The following CNP variants were observed in gnomAD, a reference collection of about 807,000 sequenced individuals.
The protein encoded by CNP is 2',3'-cyclic nucleotide 3' phosphodiesterase, also known as 2',3'-cyclic-nucleotide 3'-phosphodiesterase.
CNP carries 8 observed loss-of-function variants against 37.9 expected under a neutral mutation model. That is an observed-to-expected ratio of 0.21 (90% CI 0.12 to 0.38). CNP has a LOEUF of 0.38. CNP is among the 10% of genes least tolerant of loss of function. The probability of loss-of-function intolerance (pLI) is 1.00; values close to 1 mark genes in which losing one functional copy is unlikely to be tolerated. For missense variants in CNP, 457 were observed against 551.0 expected (o/e 0.83, Z 1.71); for synonymous variants, 237 against 238.3 (o/e 0.99, Z 0.05).
In CNP at chr17:41,975,132, G is replaced by A. The variant is rs2051057535; in HGVS notation, c.*1208G>A. On this transcript the variant is annotated 3_prime_UTR_variant, in exon 4 of 4. Transcript: ENST00000393892. ...ACTATCCTGGCTTTGCCCAACCTCAGCAACCTGTAAGACTGATAATGAAAT... is the reference window on the plus strand; with the variant it reads ...ACTATCCTGGCTTTGCCCAACCTCAACAACCTGTAAGACTGATAATGAAAT... 1.3e-5 allele frequency: 2 copies of A among 152,256 alleles called. No homozygotes were observed. The allele number at this position is 152,256 out of a possible 1,614,324, so 9.4% of individuals were successfully genotyped here.
In CNP at chr17:41,976,846, G is replaced by A. The variant is rs1322341413; in HGVS notation, c.*2922G>A. 3 of 1,553,552 alleles carry A rather than the reference G, an allele frequency of 1.9e-6. No homozygotes were observed. In the African/African-American group the frequency reaches 4.2e-5, roughly 22 times the overall value. On this transcript the variant is annotated 3_prime_UTR_variant, in exon 4 of 4. Coordinates refer to ENST00000393892, the MANE Select transcript of CNP (RefSeq NM_033133.5). ...ATCACTTTGCTCTGATTATGGAAAA[G>A]TCTTCAAGGGCTGCTTCAAACTCAA...
Position 41,976,656 on chromosome 17 carries a change from A to G in CNP, c.*2732A>G. ...AAGCACACGGAGACGTGATGAAGGG[A>G]GGAGGTGAACTGTTTCCACATTCAA... On this transcript the variant is annotated 3_prime_UTR_variant, in exon 4 of 4. Transcript: ENST00000393892. 6.4e-7 allele frequency: 1 copy of G among 1,562,262 alleles called. No individual in the cohort carries two copies. The highest frequency in any genetic ancestry group is 1.9e-5 in the Admixed American group (1 of 53,490).
In CNP at chr17:41,977,174, C is replaced by T. The variant is rs2143072818; in HGVS notation, c.*3250C>T. ...AATTCAGCTGCCCCCGCTCATGGGC[C>T]CCTCTGACTCCCAAAGAGCTGCCTA... is the stretch of plus-strand genomic sequence containing the variant. On this transcript the variant is annotated 3_prime_UTR_variant, in exon 4 of 4. Transcript: ENST00000393892. The T allele has an allele frequency of 2.3e-6, 3 of 1,321,048 alleles. No individual in the cohort carries two copies. Among genetic ancestry groups the T allele is most frequent in the Middle Eastern group, 2.4e-4 (1 of 4,188 alleles). The allele number at this position is 1,321,048 out of a possible 1,614,324, so 81.8% of individuals were successfully genotyped here. A position where few individuals can be genotyped will look rare whatever the true frequency, so the allele number is the denominator to read the frequency against.
chr17:41,968,054 C>G lies in CNP; in HGVS notation c.4-14C>G. ...GAATGACCTGGGCTGACATCTCTTCCCCTCCTTACACAGAACAGAGGCTTC... is the reference window on the plus strand; with the variant it reads ...GAATGACCTGGGCTGACATCTCTTCGCCTCCTTACACAGAACAGAGGCTTC... On this transcript the variant is annotated splice_polypyrimidine_tract_variant and intron_variant, in intron 1 of 3. Transcript: ENST00000393892. The surrounding 1 kb of genome is among the most constrained non-coding windows in gnomAD (Gnocchi z 4.8). 1 of 1,600,394 alleles carries G rather than the reference C, an allele frequency of 6.2e-7. No homozygotes were observed. The highest frequency in any genetic ancestry group is 8.5e-7 in the Non-Finnish European group (1 of 1,171,286).
intron 3 of CNP, among the ~76,000 whole-genome samples, chr17:41,972,922 A>G (rs947342977): frequency 3.3e-5 from 5 of 152,220 alleles, no homozygotes; most frequent in Admixed American, 6.5e-5. Flanking sequence ...AAGCAGACAT[A>G]TCATCAGATG....
chr17:41,967,961 A>G (rs1329692752), intron 1 of CNP, 107 bp from the exon 2 acceptor site: 1 of 1,518,990 alleles, frequency 6.6e-7, no homozygotes, highest in Non-Finnish European at 8.8e-7. Context: ...AAGGTCCAGC[A>G]CTGCCCCGCT....
At chr17:41,967,003 C>A (rs1475177691) in intron 1 of CNP, 116 bp downstream of exon 1, 97 of 1,188,272 alleles carry the variant, frequency 8.2e-5, no homozygotes, top group Non-Finnish European at 1.0e-4. Context: ...GTTCGACTTC[C>A]AGTTTTCTTG....
rs2051024576 is a variant in CNP at position 41,973,598 on chromosome 17, G to A, written c.940G>A (p.Val314Met). 3.7e-6 allele frequency: 6 copies of A among 1,614,246 alleles called. No homozygotes were observed. The highest frequency in any genetic ancestry group is 1.7e-5 in the Admixed American group (1 of 60,036). The change falls in exon 4 of 4, where the codon GTG (valine) becomes ATG (methionine). Residue 314 changes from valine (V) to methionine (M), a missense_variant. This residue lies in a region of CNP where 291 missense variants were observed against 291.7 expected (regional missense o/e 1.00). Transcript: ENST00000393892. ...GCAACTGCAGTTGTGGCCGAGTGAT[G>A]TGGACAAGCTGTCACCCACTGACAA... ...EQQLQLWPSDVDKLSPTDNLP... is the reference protein window; with the variant it reads ...EQQLQLWPSDMDKLSPTDNLP...
In CNP at chr17:41,976,578, C is replaced by T; in HGVS notation, c.*2654C>T. 2.1e-6 allele frequency: 2 copies of T among 937,556 alleles called. No homozygotes were observed. The highest frequency in any genetic ancestry group is 3.4e-5 in the South Asian group (2 of 58,330). The allele number at this position is 937,556 out of a possible 1,614,324, so 58.1% of individuals were successfully genotyped here. A position where few individuals can be genotyped will look rare whatever the true frequency, so the allele number is the denominator to read the frequency against. On this transcript the variant is annotated 3_prime_UTR_variant, in exon 4 of 4. Coordinates refer to ENST00000393892, the MANE Select transcript of CNP (RefSeq NM_033133.5). ...GTCTTCGGCATTGGTTCCCTTTGCT[C>T]CACCCCACTCACAGAGACACAGGGC...
In CNP at chr17:41,971,737, G is replaced by A; in HGVS notation, c.677-155G>A. The A allele has an allele frequency of 8.0e-6, 8 of 998,416 alleles. No homozygotes were observed. The South Asian group carries it at 1.3e-4, about 16-fold the overall frequency. 61.8% of individuals were successfully genotyped at this position (998,416 alleles called of 1,614,324 possible). On this transcript the variant is annotated intron_variant, in intron 2 of 3. Coordinates refer to ENST00000393892, the MANE Select transcript of CNP (RefSeq NM_033133.5). ...TTTTATTGCTCTAAAGTTGCCATTAGTTTGACCAACTAACCAATGAATGAG... is the reference window on the plus strand; with the variant it reads ...TTTTATTGCTCTAAAGTTGCCATTAATTTGACCAACTAACCAATGAATGAG...
rs990814027 is a variant in CNP, at chr17:41,974,132, G to T, written c.*208G>T. On this transcript the variant is annotated 3_prime_UTR_variant, in exon 4 of 4. Coordinates refer to ENST00000393892, the MANE Select transcript of CNP (RefSeq NM_033133.5). The stretch of plus-strand genomic sequence containing the variant: ...ATGCTCACGCTCCCAACACAAGGTG[G>T]GCAGGGAGGCACCATTCAGGAACCT... The T allele has an allele frequency of 9.4e-6, 4 of 424,314 alleles. No individual in the cohort carries two copies. The highest frequency in any genetic ancestry group is 1.6e-5 in the Non-Finnish European group (4 of 250,288). 26.3% of individuals were successfully genotyped at this position (424,314 alleles called of 1,614,324 possible).
Position 41,973,981 on chromosome 17 carries a change from C to T in CNP, c.*57C>T. The T allele has an allele frequency of 8.3e-7, 1 of 1,209,664 alleles. No individual in the cohort carries two copies. The highest frequency in any genetic ancestry group is 2.7e-5 in the East Asian group (1 of 36,950). The allele number at this position is 1,209,664 out of a possible 1,614,324, so 74.9% of individuals were successfully genotyped here. On this transcript the variant is annotated 3_prime_UTR_variant, in exon 4 of 4. Coordinates refer to ENST00000393892, the MANE Select transcript of CNP (RefSeq NM_033133.5). Reference sequence around the variant, plus strand: ...GGAAGGGGAGAGGGAAACGTGCCCTCTGTTTGATCCTTGTTTTGTGACATT... The same window carrying T: ...GGAAGGGGAGAGGGAAACGTGCCCTTTGTTTGATCCTTGTTTTGTGACATT...
chr17:41,968,363 A>G lies in CNP; in HGVS notation c.299A>G (p.Tyr100Cys). ...PGARGAFSEEYKRLDEDLAAY... is the reference protein window; with the variant it reads ...PGARGAFSEECKRLDEDLAAY... ...GCTCGAGGAGCCTTCTCCGAGGAGT[A>G]CAAGCGGCTCGATGAGGACCTGGCT... Residue 100 changes from tyrosine to cysteine, a missense_variant, in exon 2 of 4, where the codon TAC becomes TGC. Physicochemically the swap from Tyr to Cys is radical, Grantham distance 194. Transcript: ENST00000393892. The surrounding 1 kb of genome is among the most constrained non-coding windows in gnomAD (Gnocchi z 4.8). 6.2e-7 allele frequency: 1 copy of G among 1,614,124 alleles called. No homozygotes were observed. Among genetic ancestry groups the G allele is most frequent in the Non-Finnish European group, 8.5e-7 (1 of 1,180,008 alleles).
Position 41,968,847 on chromosome 17 carries a change from CAGAG to C in CNP, c.676+112_676+115del. On this transcript the variant is annotated intron_variant, in intron 2 of 3. Transcript: ENST00000393892. This position sits in a 1 kb window ranked among gnomAD's most constrained non-coding sequence, Gnocchi z 4.8. ...GGATGGAGCACGAAGCAGCAGGAGG[CAGAG>C]AGAGGCTCACCTCAGCGGGGGCAGG... 1 of 1,305,060 alleles carries C rather than the reference CAGAG, an allele frequency of 7.7e-7. No individual in the cohort carries two copies. Among genetic ancestry groups the C allele is most frequent in the Non-Finnish European group, 1.0e-6 (1 of 970,700 alleles). The allele number at this position is 1,305,060 out of a possible 1,614,324, so 80.8% of individuals were successfully genotyped here.
At chr17:41,967,050 G>C (rs1312739521) in intron 1 of CNP, 163 bp downstream of exon 1, 47 of 736,210 alleles carry the variant, frequency 6.4e-5, no homozygotes, top group Non-Finnish European at 8.3e-5. Context: ...GAGAAGCGGA[G>C]GGGTTTTGGG....
At position 41,976,613 on chromosome 17, in the gene CNP, A is replaced by G; in HGVS notation, c.*2689A>G. On this transcript the variant is annotated 3_prime_UTR_variant, in exon 4 of 4. Coordinates refer to ENST00000393892, the MANE Select transcript of CNP (RefSeq NM_033133.5). ...CACAGAGACACAGGGCATCCAACTGAGAAAACGAAACTGCTCTAAGCACAC... is the reference window on the plus strand; with the variant it reads ...CACAGAGACACAGGGCATCCAACTGGGAAAACGAAACTGCTCTAAGCACAC... 1 of 1,343,434 alleles carries G rather than the reference A, an allele frequency of 7.4e-7. No individual in the cohort carries two copies. The highest frequency in any genetic ancestry group is 2.5e-5 in the East Asian group (1 of 40,682). The allele number at this position is 1,343,434 out of a possible 1,614,324, so 83.2% of individuals were successfully genotyped here. A position where few individuals can be genotyped will look rare whatever the true frequency, so the allele number is the denominator to read the frequency against.
rs370644988 is a variant in CNP, at chr17:41,973,766, G to A, written c.1108G>A (p.Gly370Ser). The change falls in exon 4 of 4, where the codon GGC becomes AGC. Residue 370 changes from glycine (G) to serine (S), a missense_variant. Gly to Ser is a moderately conservative substitution (Grantham distance 56). This residue lies in a region of CNP where 291 missense variants were observed against 291.7 expected (regional missense o/e 1.00). Coordinates refer to ENST00000393892, the MANE Select transcript of CNP (RefSeq NM_033133.5). ...RGEEVGELSR[G>S]KLYSLGNGRW... The stretch of plus-strand genomic sequence containing the variant: ...CGAGGAGGTGGGCGAGCTAAGCCGG[G>A]GCAAGCTCTATTCCTTGGGCAATGG... The A allele has an allele frequency of 4.0e-5, 64 of 1,612,578 alleles. No homozygotes were observed. Among genetic ancestry groups the A allele is most frequent in the Non-Finnish European group, 4.8e-5 (57 of 1,179,386 alleles).
Position 41,973,879 on chromosome 17 carries a change from A to T in CNP, c.1221A>T (p.Gln407His), listed in dbSNP as rs781801992. ...YYGKGKPVPTQGSRKGGALQS... is the reference protein window; with the variant it reads ...YYGKGKPVPTHGSRKGGALQS... ...GGAAAGGCAAACCTGTGCCCACGCA[A>T]GGTAGCCGGAAGGGGGGCGCCTTGC... The change falls in exon 4 of 4, where the codon CAA (glutamine) becomes CAT (histidine). Residue 407 changes from glutamine to histidine, a missense_variant. Gln to His is a conservative substitution (Grantham distance 24). Transcript: ENST00000393892. The T allele has an allele frequency of 1.9e-6, 3 of 1,571,176 alleles. No individual in the cohort carries two copies. The highest frequency in any genetic ancestry group is 1.4e-5 in the African/African-American group (1 of 74,064).
Position 41,976,969 on chromosome 17 carries a change from C to G in CNP, c.*3045C>G. ...ATTATACATGGGTAGCTTCTGACCT[C>G]AGCATTATCTATATAGTACCTTTGC... is the stretch of plus-strand genomic sequence containing the variant. On this transcript the variant is annotated 3_prime_UTR_variant, in exon 4 of 4. Coordinates refer to ENST00000393892, the MANE Select transcript of CNP (RefSeq NM_033133.5). 1 of 671,690 alleles carries G rather than the reference C, an allele frequency of 1.5e-6. No homozygotes were observed. Among genetic ancestry groups the G allele is most frequent in the Non-Finnish European group, 2.5e-6 (1 of 401,776 alleles). 41.6% of individuals were successfully genotyped at this position (671,690 alleles called of 1,614,324 possible).
Sources: gnomAD v4.1 joint callset for allele counts (sites outside exome capture counted in the v4.1 genomes callset) on GRCh38, gnomAD v4.1.1 for gene constraint, gnomAD v4.1.1 regional missense constraint, Gnocchi (gnomAD v3.1) non-coding constraint, MANE v1.5 for transcripts, NCBI Gene and HGNC (gene_info 2026-07-23, HGNC 2026-07-21) for gene names.